The following SEC14L4 variants were observed in gnomAD, a reference collection of about 807,000 sequenced individuals.
SEC14L4 encodes SEC14-like protein 4.
In SEC14L4, 42 loss-of-function variants were observed where a neutral mutation model predicts 55.1. That is an observed-to-expected ratio of 0.76 (90% CI 0.60 to 0.99). SEC14L4 has a LOEUF of 0.99. Ranked by LOEUF, SEC14L4 falls within the 50% of genes least tolerant of loss-of-function variation. The probability of loss-of-function intolerance (pLI) is 0.00; values close to 1 mark genes in which losing one functional copy is unlikely to be tolerated. For missense variants in SEC14L4, 445 were observed against 512.1 expected (o/e 0.87, Z 1.27); for synonymous variants, 206 against 206.8 (o/e 1.00, Z 0.03).
At chr22:30,503,587 A>T (rs1050718165) in intron 2 of SEC14L4, 90 bp downstream of exon 2, 13 of 909,592 alleles carry the variant, frequency 1.4e-5, no homozygotes, top group Middle Eastern at 2.2e-4. Context: ...ACTACCCTAC[A>T]GCTCCATTCC....
chr22:30,504,047 ATATTATTATTAT>A (rs3067219), intron 1 of SEC14L4, among the ~76,000 whole-genome samples: 3 of 143,894 alleles, frequency 2.1e-5, no homozygotes, highest in African/African-American at 7.7e-5. Context: ...TATTATTTTT[ATATTATTATTAT>A]TATTATTATT....
chr22:30,504,285 G>A (rs1170688941), intron 1 of SEC14L4, among the ~76,000 whole-genome samples: 1 of 151,760 alleles, frequency 6.6e-6, no homozygotes, highest in East Asian at 1.9e-4. Flanking sequence ...AAACTCCTTG[G>A]CTCAAACAAT....
At chr22:30,500,994 C>T (rs1936303205) in intron 2 of SEC14L4, among the ~76,000 whole-genome samples, 1 of 151,298 alleles carries the variant, frequency 6.6e-6, no homozygotes, top group Admixed American at 6.6e-5. Flanking sequence ...TCCAGGAGTT[C>T]GAGACCAGCC....
intron 2 of SEC14L4, among the ~76,000 whole-genome samples, chr22:30,500,089 C>T (rs1936273503): frequency 6.6e-6 from 1 of 151,960 alleles, no homozygotes; most frequent in African/African-American, 2.4e-5. Context: ...AGGCTTTTCT[C>T]GAACTCCCGA....
chr22:30,492,309 G>C, intron 8 of SEC14L4, 154 bp from the exon 9 acceptor site: 2 of 1,186,396 alleles, frequency 1.7e-6, no homozygotes, highest in Non-Finnish European at 2.4e-6. Context: ...GTGGCTCCCA[G>C]CCCACGGTCT....
At chr22:30,494,344 C>T in intron 6 of SEC14L4, 134 bp from the exon 7 acceptor site, 2 of 703,488 alleles carry the variant, frequency 2.8e-6, no homozygotes, top group Non-Finnish European at 5.1e-6. Context: ...GCATGTGCCT[C>T]TTCCTCTCTG....
chr22:30,489,999 C>T lies in SEC14L4; in HGVS notation c.*108G>A. ...AATGAGATGAAATGGTGACGTGGGA[C>T]AAGTGGCTCTCTGCAGCCACCTCCA... is the stretch of plus-strand genomic sequence containing the variant. On this transcript the variant is annotated 3_prime_UTR_variant, in exon 12 of 12. Transcript: ENST00000255858. 1.9e-6 allele frequency: 3 copies of T among 1,562,844 alleles called. No individual in the cohort carries two copies. Among genetic ancestry groups the T allele is most frequent in the Non-Finnish European group, 1.7e-6 (2 of 1,152,718 alleles).
intron 2 of SEC14L4, among the ~76,000 whole-genome samples, chr22:30,502,651 A>G (rs149318107): frequency 1.8e-4 from 27 of 152,276 alleles, no homozygotes; most frequent in African/African-American, 6.3e-4. Flanking sequence ...CCCAGGCTCA[A>G]GTGATCCTCT....
At chr22:30,490,290 T>C in intron 11 of SEC14L4, 44 bp from the exon 12 acceptor site, 1 of 1,606,632 alleles carries the variant, frequency 6.2e-7, no homozygotes, top group East Asian at 2.2e-5. Flanking sequence ...ACCCCGCACA[T>C]CTGCAGGAAG....
Position 30,491,962 on chromosome 22 carries a change from C to A in SEC14L4, c.783G>T (p.Gly261=), listed in dbSNP as rs1485128000. ...GGTAGTAGCTCTTGGGCACCTCACC[C>A]CCATAGTTGATCTGTGGGTGAAGGG... The part of the protein sequence containing the change: ...NPKCLTKINY[G]GEVPKSYYLC... The change falls in exon 10 of 12, where the codon GGG becomes GGT. Residue 261 remains glycine (G), a synonymous_variant. Coordinates refer to ENST00000255858, the MANE Select transcript of SEC14L4 (RefSeq NM_174977.4). 1.9e-6 allele frequency: 3 copies of A among 1,613,990 alleles called. No homozygotes were observed. Among genetic ancestry groups the A allele is most frequent in the Non-Finnish European group, 2.5e-6 (3 of 1,179,952 alleles).
chr22:30,489,262 C>G lies in SEC14L4; in HGVS notation c.*845G>C, dbSNP rs941590437. The G allele has an allele frequency of 7.2e-6, 1 of 138,714 alleles. No individual in the cohort carries two copies. The highest frequency in any genetic ancestry group is 2.6e-5 in the African/African-American group (1 of 38,104). The allele number at this position is 138,714 out of a possible 1,614,324, so 8.6% of individuals were successfully genotyped here. A position where few individuals can be genotyped will look rare whatever the true frequency, so the allele number is the denominator to read the frequency against. On this transcript the variant is annotated 3_prime_UTR_variant, in exon 12 of 12. Transcript: ENST00000255858. ...GTTTGTTTGTTTGTTTGTTTAGAGA[C>G]GGAGTCTGGCTCTGTTGCCCAGGCT...
chr22:30,497,467 G>A (rs1212024983), intron 2 of SEC14L4, among the ~76,000 whole-genome samples: 2 of 151,746 alleles, frequency 1.3e-5, no homozygotes, highest in African/African-American at 2.4e-5. Context: ...GGAAGCTGCA[G>A]TAAGCCAAGA....
intron 5 of SEC14L4, 54 bp from the exon 6 acceptor site, chr22:30,495,015 G>T: frequency 6.6e-7 from 1 of 1,505,668 alleles, no homozygotes; most frequent in Non-Finnish European, 9.2e-7. Flanking sequence ...AGGAGATCCT[G>T]GCCAGAGAGA....
chr22:30,491,945 C>G lies in SEC14L4; in HGVS notation c.800G>C (p.Ser267Thr), dbSNP rs775330340. The G allele has an allele frequency of 6.2e-7, 1 of 1,613,894 alleles. No homozygotes were observed. Among genetic ancestry groups the G allele is most frequent in the Non-Finnish European group, 8.5e-7 (1 of 1,180,012 alleles). ...CCTCACCTGCTCGCACAGGTAGTAG[C>G]TCTTGGGCACCTCACCCCCATAGTT... is the stretch of plus-strand genomic sequence containing the variant. ...KINYGGEVPK[S>T]YYLCEQVRLQ... The change falls in exon 10 of 12, where the codon AGC (serine) becomes ACC (threonine). Residue 267 changes from serine to threonine, a missense_variant. By Grantham distance (58) the Ser-to-Thr change is moderately conservative. Coordinates refer to ENST00000255858, the MANE Select transcript of SEC14L4 (RefSeq NM_174977.4).
In SEC14L4 at chr22:30,489,762, G is replaced by A; in HGVS notation, c.*345C>T. The stretch of plus-strand genomic sequence containing the variant: ...CCCCTGAAGCTGGAACACCAGGCAT[G>A]GGTGAGTCCTGGGTGGCTGGATCTT... On this transcript the variant is annotated 3_prime_UTR_variant, in exon 12 of 12. Transcript: ENST00000255858. 1.8e-6 allele frequency: 2 copies of A among 1,112,132 alleles called. No homozygotes were observed. The highest frequency in any genetic ancestry group is 1.3e-6 in the Non-Finnish European group (1 of 746,460). The allele number at this position is 1,112,132 out of a possible 1,614,324, so 68.9% of individuals were successfully genotyped here. A position where few individuals can be genotyped will look rare whatever the true frequency, so the allele number is the denominator to read the frequency against.
At chr22:30,503,399 A>G (rs376595462) in intron 2 of SEC14L4, among the ~76,000 whole-genome samples, 5 of 151,674 alleles carry the variant, frequency 3.3e-5, no homozygotes, top group African/African-American at 1.2e-4. Context: ...TGAGTAGCTG[A>G]GATTACAGGC....
rs368386943 is a variant in SEC14L4, at chr22:30,491,632, C to T, written c.1022G>A (p.Arg341His). Residue 341 changes from arginine (R) to histidine (H), a missense_variant, in exon 11 of 12, where the codon CGC (arginine) becomes CAC (histidine). Transcript: ENST00000255858. ...REMTEVLPSQRYNAHMVPEDG... is the reference protein window; with the variant it reads ...REMTEVLPSQHYNAHMVPEDG... ...CTCAGGCACCATGTGGGCATTGTAG[C>T]GCTGGCTGGGCAGCACCTCCGTCAT... is the stretch of plus-strand genomic sequence containing the variant. 15 of 1,614,038 alleles carry T rather than the reference C, an allele frequency of 9.3e-6. No individual in the cohort carries two copies. The highest frequency in any genetic ancestry group is 3.3e-5 in the Admixed American group (2 of 59,998).
At position 30,489,583 on chromosome 22, in the gene SEC14L4, G is replaced by A. The variant is rs1935885762; in HGVS notation, c.*524C>T. On this transcript the variant is annotated 3_prime_UTR_variant, in exon 12 of 12. Coordinates refer to ENST00000255858, the MANE Select transcript of SEC14L4 (RefSeq NM_174977.4). ...CAGTGGTGGCAGAACAAACTTGGAT[G>A]GGCCCCAGTGCTCTGCTGGAACCAG... is the stretch of plus-strand genomic sequence containing the variant. The A allele has an allele frequency of 2.6e-5, 14 of 541,654 alleles. No individual in the cohort carries two copies. The South Asian group carries it at 3.5e-4, about 13-fold the overall frequency. 33.6% of individuals were successfully genotyped at this position (541,654 alleles called of 1,614,324 possible). A position where few individuals can be genotyped will look rare whatever the true frequency, so the allele number is the denominator to read the frequency against.
chr22:30,503,562 A>C, intron 2 of SEC14L4, 115 bp downstream of exon 2: 1 of 631,124 alleles, frequency 1.6e-6, no homozygotes, highest in Admixed American at 2.7e-5. Context: ...CGGGCCCGGC[A>C]AGCCTGTGTT....
Sources: gnomAD v4.1 joint callset for allele counts (sites outside exome capture counted in the v4.1 genomes callset) on GRCh38, gnomAD v4.1.1 for gene constraint, MANE v1.5 for transcripts, NCBI Gene and HGNC (gene_info 2026-07-23, HGNC 2026-07-21) for gene names.